The following MARK2 variants were observed in gnomAD, a reference collection of about 807,000 sequenced individuals.
MARK2 encodes microtubule affinity regulating kinase 2, also known as serine/threonine-protein kinase MARK2.
Under a neutral mutation model 89.8 loss-of-function variants are expected in MARK2, and 16 were observed. That is an observed-to-expected ratio of 0.18 (90% confidence interval 0.12 to 0.27). The LOEUF (loss-of-function observed/expected upper bound fraction) is 0.27, where lower values mean the gene tolerates loss of function less well. MARK2 is among the 10% of genes least tolerant of loss of function. MARK2 has a pLI of 1.00. For synonymous variants in MARK2, 382 were observed against 399.5 expected (o/e 0.96, Z 0.52); for missense variants, 621 against 1,049.9 (o/e 0.59, Z 5.65).
intron 4 of MARK2, 106 bp downstream of exon 4, chr11:63,898,386 T>G: frequency 8.8e-7 from 1 of 1,136,282 alleles, no homozygotes; most frequent in Non-Finnish European, 1.3e-6. Context: ...TCTGCAGTCT[T>G]CAAGGATACC....
Position 63,900,011 on chromosome 11 carries a change from C to A in MARK2, c.669C>A (p.Gly223=), listed in dbSNP as rs1940732643. The change falls in exon 8 of 19, where the codon GGC becomes GGA. Residue 223 remains glycine (G), a synonymous_variant. Coordinates refer to ENST00000402010, the MANE Select transcript of MARK2 (RefSeq NM_001039469.3). This position sits in a 1 kb window ranked among gnomAD's most constrained non-coding sequence, Gnocchi z 4.7. ...ATGCTGCCCCAGAACTCTTCCAGGG[C>A]AAAAAATATGATGGACCCGAGGTGG... is the stretch of plus-strand genomic sequence containing the variant. ...PPYAAPELFQ[G]KKYDGPEVDV... 1.2e-6 allele frequency: 2 copies of A among 1,614,106 alleles called. No homozygotes were observed. The highest frequency in any genetic ancestry group is 4.5e-5 in the East Asian group (2 of 44,876).
intron 1 of MARK2, among the ~76,000 whole-genome samples, chr11:63,873,367 C>G (rs1186425883): frequency 6.6e-6 from 1 of 152,138 alleles, no homozygotes; most frequent in Non-Finnish European, 1.5e-5. Context: ...TGCATCTTCC[C>G]TGGCCTCAAC....
At chr11:63,875,331 G>C (rs1475913757) in intron 1 of MARK2, among the ~76,000 whole-genome samples, 1 of 151,744 alleles carries the variant, frequency 6.6e-6, no homozygotes, top group Non-Finnish European at 1.5e-5. Flanking sequence ...ATGTTGTTCA[G>C]GCTGGTCTGA....
chr11:63,876,270 ACATC>A (rs1199667466), intron 1 of MARK2, among the ~76,000 whole-genome samples: 1 of 152,134 alleles, frequency 6.6e-6, no homozygotes, highest in African/African-American at 2.4e-5. Flanking sequence ...CCTGGAGAAA[ACATC>A]CATCTCCTTT....
chr11:63,905,163 G>T, intron 16 of MARK2, 120 bp downstream of exon 16: 1 of 1,159,968 alleles, frequency 8.6e-7, no homozygotes, highest in South Asian at 1.5e-5. Flanking sequence ...GGGTCCTGGG[G>T]TTAGAAGAGG....
chr11:63,849,235 A>G (rs576324750), intron 1 of MARK2, among the ~76,000 whole-genome samples: 17 of 152,202 alleles, frequency 1.1e-4, no homozygotes, highest in Non-Finnish European at 2.9e-5. Context: ...GTCATTGGCT[A>G]TCTTTGCAAG....
chr11:63,902,687 C>A lies in MARK2; in HGVS notation c.1321C>A (p.Arg441=), dbSNP rs1319760535. ...AGAAAATAAGCGGCCTGAGGAGGAC[C>A]GGGAGTCAGGGCGGAAAGCCAGCAG... is the stretch of plus-strand genomic sequence containing the variant. The part of the protein sequence containing the change: ...NAENKRPEED[R]ESGRKASSTA... Residue 441 remains arginine, a synonymous_variant, in exon 13 of 19, where the codon CGG becomes AGG. Transcript: ENST00000402010. The surrounding 1 kb of genome is among the most constrained non-coding windows in gnomAD (Gnocchi z 4.2). 1 of 1,614,066 alleles carries A rather than the reference C, an allele frequency of 6.2e-7. No individual in the cohort carries two copies.
At chr11:63,860,767 A>C (rs1472676213) in intron 1 of MARK2, among the ~76,000 whole-genome samples, 1 of 152,166 alleles carries the variant, frequency 6.6e-6, no homozygotes, top group South Asian at 2.1e-4. Flanking sequence ...CTGAGGCAGG[A>C]GAATCACTTG....
At chr11:63,844,474 A>G (rs1438532853) in intron 1 of MARK2, among the ~76,000 whole-genome samples, 1 of 152,190 alleles carries the variant, frequency 6.6e-6, no homozygotes, top group African/African-American at 2.4e-5. Flanking sequence ...ACAGAGCAAG[A>G]CACTATCTCA....
chr11:63,909,321 C>CA lies in MARK2; in HGVS notation c.*85dup, dbSNP rs1356341603. On this transcript the variant is annotated 3_prime_UTR_variant, in exon 19 of 19. Coordinates refer to ENST00000402010, the MANE Select transcript of MARK2 (RefSeq NM_001039469.3). ...GCGCCGCCCCACCTGGGCGAGACTGCAGCGATGGATTGGTGTGTCTCCCCT... is the reference window on the plus strand; with the variant it reads ...GCGCCGCCCCACCTGGGCGAGACTGCAAGCGATGGATTGGTGTGTCTCCCCT... 5.8e-6 allele frequency: 8 copies of CA among 1,379,858 alleles called. No homozygotes were observed. The highest frequency in any genetic ancestry group is 6.8e-6 in the Non-Finnish European group (7 of 1,037,022). 85.5% of individuals were successfully genotyped at this position (1,379,858 alleles called of 1,614,324 possible). A position where few individuals can be genotyped will look rare whatever the true frequency, so the allele number is the denominator to read the frequency against.
In MARK2 at chr11:63,909,763, C is replaced by T. The variant is rs1590725078; in HGVS notation, c.*526C>T. ...GTGGGCTTCTCCCCTCTCCTCCCTC[C>T]TTCCCCTCCAAGCAAACCACCAGAG... is the stretch of plus-strand genomic sequence containing the variant. On this transcript the variant is annotated 3_prime_UTR_variant, in exon 19 of 19. Transcript: ENST00000402010. 6.6e-6 allele frequency: 1 copy of T among 152,658 alleles called. No individual in the cohort carries two copies. The highest frequency in any genetic ancestry group is 1.9e-4 in the East Asian group (1 of 5,180). 9.5% of individuals were successfully genotyped at this position (152,658 alleles called of 1,614,324 possible).
At chr11:63,842,218 T>C (rs2135187362) in intron 1 of MARK2, among the ~76,000 whole-genome samples, 1 of 123,526 alleles carries the variant, frequency 8.1e-6, no homozygotes, top group East Asian at 2.1e-4. Context: ...TCCTGTATTC[T>C]TTTTTTTTTT....
At position 63,903,950 on chromosome 11, in the gene MARK2, C is replaced by G; in HGVS notation, c.1515-36C>G. 5 of 1,572,008 alleles carry G rather than the reference C, an allele frequency of 3.2e-6. No individual in the cohort carries two copies. The South Asian group carries it at 5.7e-5, about 18-fold the overall frequency. On this transcript the variant is annotated intron_variant, in intron 14 of 18. Coordinates refer to ENST00000402010, the MANE Select transcript of MARK2 (RefSeq NM_001039469.3). The surrounding 1 kb of genome is among the most constrained non-coding windows in gnomAD (Gnocchi z 5.1). The stretch of plus-strand genomic sequence containing the variant: ...TCCAGGCCTCCCGCCCTCACTCACC[C>G]CTAACACGGGCCTCTCCGCTGCTTT...
chr11:63,849,700 C>G (rs575064854), intron 1 of MARK2, among the ~76,000 whole-genome samples: 16 of 152,286 alleles, frequency 1.1e-4, no homozygotes, highest in African/African-American at 3.8e-4. Context: ...TTGCAGTGAA[C>G]AGAGATCATG....
At position 63,902,911 on chromosome 11, in the gene MARK2, C is replaced by A; in HGVS notation, c.1416+129C>A. The A allele has an allele frequency of 9.3e-7, 1 of 1,072,450 alleles. No individual in the cohort carries two copies. Among genetic ancestry groups the A allele is most frequent in the Admixed American group, 1.9e-5 (1 of 53,732 alleles). 66.4% of individuals were successfully genotyped at this position (1,072,450 alleles called of 1,614,324 possible). A position where few individuals can be genotyped will look rare whatever the true frequency, so the allele number is the denominator to read the frequency against. On this transcript the variant is annotated intron_variant, in intron 13 of 18. Transcript: ENST00000402010. This position sits in a 1 kb window ranked among gnomAD's most constrained non-coding sequence, Gnocchi z 4.2. ...CTGCTTATAGCAGGAAGCCTCGCTCCCAGCAGTAAATGCAGAATCCTTTCC... is the reference window on the plus strand; with the variant it reads ...CTGCTTATAGCAGGAAGCCTCGCTCACAGCAGTAAATGCAGAATCCTTTCC...
intron 1 of MARK2, among the ~76,000 whole-genome samples, chr11:63,860,930 T>A (rs2135238731): frequency 6.6e-6 from 1 of 152,264 alleles, no homozygotes; most frequent in African/African-American, 2.4e-5. Flanking sequence ...ATCATTTTTT[T>A]AAAACTGTTT....
chr11:63,908,189 C>T, intron 17 of MARK2, 71 bp from the exon 18 acceptor site: 4 of 1,390,812 alleles, frequency 2.9e-6, no homozygotes, highest in African/African-American at 1.4e-5. Context: ...GACCCACTCT[C>T]ATCTGGGTCT....
chr11:63,851,383 G>C (rs1190305429), intron 1 of MARK2, among the ~76,000 whole-genome samples: 3 of 152,148 alleles, frequency 2.0e-5, no homozygotes, highest in Non-Finnish European at 1.5e-5. Flanking sequence ...AGGATTGCTT[G>C]AGGCCAGCCT....
intron 1 of MARK2, chr11:63,888,973 TC>T (rs1241497760): frequency 7.4e-7 from 1 of 1,350,850 alleles, no homozygotes; most frequent in African/African-American, 1.5e-5. Context: ...GGGTATGTTG[TC>T]CCCCTTTTTA....
Sources: gnomAD v4.1 joint callset for allele counts (sites outside exome capture counted in the v4.1 genomes callset) on GRCh38, gnomAD v4.1.1 for gene constraint, Gnocchi (gnomAD v3.1) non-coding constraint, MANE v1.5 for transcripts, NCBI Gene and HGNC (gene_info 2026-07-23, HGNC 2026-07-21) for gene names.